Variants in PTPRD observed in about 807,000 individuals in gnomAD.
The protein encoded by PTPRD is protein tyrosine phosphatase receptor type D, also known as receptor-type tyrosine-protein phosphatase delta.
PTPRD carries 34 observed loss-of-function variants against 214.5 expected under a neutral mutation model. That is an observed-to-expected ratio of 0.16 (90% CI 0.12 to 0.21). The LOEUF (loss-of-function observed/expected upper bound fraction) is 0.21, where lower values mean the gene tolerates loss of function less well. Ranked by LOEUF, PTPRD falls within the 10% of genes least tolerant of loss-of-function variation. The pLI is 1.00. For missense variants in PTPRD, 2,545 were observed against 2,398.7 expected (o/e 1.06, Z -1.27); for synonymous variants, 1,128 against 845.7 (o/e 1.33, Z -5.79).
intron 5 of PTPRD, among the ~76,000 whole-genome samples, chr9:9,937,628 T>A (rs185368400): frequency 3.5e-4 from 54 of 152,290 alleles, no homozygotes; most frequent in Middle Eastern, 3.4e-3. Flanking sequence ...ATTTCATAAA[T>A]AGACCAAATA....
chr9:9,581,763 A>G (rs1026839150), intron 7 of PTPRD, among the ~76,000 whole-genome samples: 5 of 152,158 alleles, frequency 3.3e-5, no homozygotes, highest in South Asian at 2.1e-4. Flanking sequence ...AATGACTGGC[A>G]AGTGGTGAGA....
chr9:8,826,632 C>CTTTTT (rs33934836), intron 11 of PTPRD, among the ~76,000 whole-genome samples: 19 of 145,350 alleles, frequency 1.3e-4, no homozygotes, highest in African/African-American at 2.6e-4. Context: ...CAGGCACCAT[C>CTTTTT]TTTTTTTTTT....
At chr9:10,358,891 G>A (rs529348389) in intron 2 of PTPRD, among the ~76,000 whole-genome samples, 1 of 152,070 alleles carries the variant, frequency 6.6e-6, no homozygotes, top group South Asian at 2.1e-4. Flanking sequence ...TAGTAAACAT[G>A]TGTATCTTCC....
At chr9:8,337,672 A>G (rs957740781) in intron 43 of PTPRD, among the ~76,000 whole-genome samples, 2 of 151,802 alleles carry the variant, frequency 1.3e-5, no homozygotes, top group African/African-American at 2.4e-5. Context: ...AAAAAAAAAA[A>G]GGTGAGCAAC....
At chr9:9,284,357 T>A (rs770512229) in intron 9 of PTPRD, among the ~76,000 whole-genome samples, 3 of 151,532 alleles carry the variant, frequency 2.0e-5, no homozygotes, top group Non-Finnish European at 3.0e-5. Flanking sequence ...GATTCTGGAG[T>A]CATGAATAGA....
At chr9:9,139,812 C>A (rs1036738475) in intron 10 of PTPRD, among the ~76,000 whole-genome samples, 1 of 152,170 alleles carries the variant, frequency 6.6e-6, no homozygotes, top group African/African-American at 2.4e-5. Context: ...ACTGTACCGG[C>A]AACAGTGGCT....
At chr9:10,122,257 G>A (rs962799878) in intron 3 of PTPRD, among the ~76,000 whole-genome samples, 1 of 152,144 alleles carries the variant, frequency 6.6e-6, no homozygotes, top group Non-Finnish European at 1.5e-5. Flanking sequence ...GCAGTGAGCT[G>A]AGATTGTGTC....
chr9:9,434,588 A>G (rs2084465642), intron 8 of PTPRD, among the ~76,000 whole-genome samples: 1 of 152,144 alleles, frequency 6.6e-6, no homozygotes, highest in Non-Finnish European at 1.5e-5. Context: ...CAAAAAGAAC[A>G]AAGTTGGAGG....
chr9:10,286,228 A>G (rs2095348054), intron 3 of PTPRD, among the ~76,000 whole-genome samples: 1 of 152,100 alleles, frequency 6.6e-6, no homozygotes, highest in Non-Finnish European at 1.5e-5. Context: ...ATTGCTTTAA[A>G]AAATATCTGA....
intron 14 of PTPRD, among the ~76,000 whole-genome samples, chr9:8,554,353 T>A (rs2083068513): frequency 1.3e-5 from 2 of 152,184 alleles, no homozygotes; most frequent in Admixed American, 1.3e-4. Flanking sequence ...TGTTTTGATA[T>A]CACAGAAATT....
chr9:9,784,544 C>T (rs2098901329), intron 5 of PTPRD, among the ~76,000 whole-genome samples: 1 of 151,858 alleles, frequency 6.6e-6, no homozygotes. Context: ...GGTAAACTTC[C>T]ATAAGGGAGC....
At chr9:8,973,676 C>T (rs1200892803) in intron 11 of PTPRD, among the ~76,000 whole-genome samples, 1 of 152,054 alleles carries the variant, frequency 6.6e-6, no homozygotes, top group East Asian at 1.9e-4. Flanking sequence ...ATTAACATTC[C>T]CACCAACAGT....
At chr9:9,742,422 T>A (rs542980043) in intron 6 of PTPRD, among the ~76,000 whole-genome samples, 2 of 152,308 alleles carry the variant, frequency 1.3e-5, no homozygotes, top group East Asian at 3.9e-4. Flanking sequence ...AGAAGCATCA[T>A]GTATTCAGTA....
At chr9:8,768,060 A>T (rs1029108877) in intron 11 of PTPRD, among the ~76,000 whole-genome samples, 5 of 152,206 alleles carry the variant, frequency 3.3e-5, no homozygotes, top group Non-Finnish European at 5.9e-5. Flanking sequence ...GTCTGGAAGA[A>T]CAAAGACAGT....
At chr9:10,474,716 C>G (rs1048804027) in intron 2 of PTPRD, among the ~76,000 whole-genome samples, 1 of 151,934 alleles carries the variant, frequency 6.6e-6, no homozygotes, top group Admixed American at 6.6e-5. Flanking sequence ...TACTCTAAAA[C>G]AGACCACATA....
chr9:9,757,795 A>C (rs756991251), intron 6 of PTPRD, among the ~76,000 whole-genome samples: 1 of 152,086 alleles, frequency 6.6e-6, no homozygotes, highest in Non-Finnish European at 1.5e-5. Flanking sequence ...TCCTTCCAAA[A>C]ATATGTATAT....
chr9:8,978,816 T>G (rs2099285969), intron 11 of PTPRD, among the ~76,000 whole-genome samples: 1 of 152,132 alleles, frequency 6.6e-6, no homozygotes, highest in South Asian at 2.1e-4. Flanking sequence ...GAAAAGGACC[T>G]GATTTTAGAG....
At chr9:10,038,566 C>T (rs1161374527) in intron 3 of PTPRD, among the ~76,000 whole-genome samples, 1 of 152,042 alleles carries the variant, frequency 6.6e-6, no homozygotes, top group Non-Finnish European at 1.5e-5. Context: ...ATATTATCAC[C>T]ATTTTGAAAA....
chr9:9,807,738 A>G (rs1565417847), intron 5 of PTPRD, among the ~76,000 whole-genome samples: 2 of 152,214 alleles, frequency 1.3e-5, no homozygotes, highest in Non-Finnish European at 2.9e-5. Context: ...GTGATTCTTG[A>G]TCGCTGAAAA....
Sources: allele counts gnomAD v4.1 joint callset (sites outside exome capture counted in the v4.1 genomes callset), GRCh38; gene constraint gnomAD v4.1.1; transcripts MANE v1.5; gene names NCBI Gene and HGNC (gene_info 2026-07-23, HGNC 2026-07-21).